SLAMF6: variants seen among roughly 807,000 people sequenced by gnomAD.
The protein encoded by SLAMF6 is NK-T-B-antigen.
Under a neutral mutation model 38.3 loss-of-function variants are expected in SLAMF6, and 21 were observed. The observed-to-expected ratio is 0.55, with a 90% CI of 0.39 to 0.79. SLAMF6 has a LOEUF of 0.79. Ranked by LOEUF, SLAMF6 falls within the 30% of genes least tolerant of loss-of-function variation. The pLI is 0.00. For missense variants in SLAMF6, 341 were observed against 385.3 expected (o/e 0.89, Z 0.96); for synonymous variants, 152 against 146.3 (o/e 1.04, Z -0.28).
At chr1:160,514,945 A>G (rs1278475994) in intron 1 of SLAMF6, among the ~76,000 whole-genome samples, 1 of 152,168 alleles carries the variant, frequency 6.6e-6, no homozygotes. Flanking sequence ...AACTAAAAGA[A>G]CTGGAGAACC....
rs978178922 is a variant in SLAMF6 at position 160,486,639 on chromosome 1, T to C, written c.*68A>G. ...GGAACAACAGGAACCAAGCTTCCTG[T>C]TCTTTGTTCTGTCTCATGGGATCAG... is the stretch of plus-strand genomic sequence containing the variant. On this transcript the variant is annotated 3_prime_UTR_variant, in exon 8 of 8. Transcript: ENST00000368057. The C allele has an allele frequency of 8.1e-6, 12 of 1,487,842 alleles. No individual in the cohort carries two copies. In the African/African-American group the frequency reaches 9.7e-5, roughly 12 times the overall value. 92.2% of individuals were successfully genotyped at this position (1,487,842 alleles called of 1,614,324 possible).
chr1:160,489,550 C>T (rs1309705205), intron 5 of SLAMF6, among the ~76,000 whole-genome samples: 3 of 152,146 alleles, frequency 2.0e-5, no homozygotes, highest in African/African-American at 4.8e-5. Flanking sequence ...TTAAGCTTTT[C>T]AGAGGTCTCT....
intron 1 of SLAMF6, among the ~76,000 whole-genome samples, chr1:160,506,949 A>C (rs147188167): frequency 4.1e-4 from 62 of 152,154 alleles, no homozygotes; most frequent in African/African-American, 1.4e-3. Context: ...TAAACTATAC[A>C]TGAAAGAATA....
Position 160,486,539 on chromosome 1 carries a change from G to T in SLAMF6, c.*168C>A. ...GAAATGATGTTATCCTTAGGTGTTT[G>T]ACTCAGGTAGGCAGGTTTAAGTCCG... On this transcript the variant is annotated 3_prime_UTR_variant, in exon 8 of 8. Coordinates refer to ENST00000368057, the MANE Select transcript of SLAMF6 (RefSeq NM_001184714.2). The T allele has an allele frequency of 1.6e-6, 1 of 629,338 alleles. No homozygotes were observed. The highest frequency in any genetic ancestry group is 2.8e-6 in the Non-Finnish European group (1 of 361,176). The allele number at this position is 629,338 out of a possible 1,614,324, so 39.0% of individuals were successfully genotyped here. A position where few individuals can be genotyped will look rare whatever the true frequency, so the allele number is the denominator to read the frequency against.
chr1:160,500,834 G>A (rs1369041102), intron 1 of SLAMF6, among the ~76,000 whole-genome samples: 1 of 152,062 alleles, frequency 6.6e-6, no homozygotes, highest in Non-Finnish European at 1.5e-5. Context: ...GTTCCTTTTG[G>A]TAGGGAGTCT....
intron 1 of SLAMF6, among the ~76,000 whole-genome samples, chr1:160,521,984 G>A (rs558318918): frequency 6.6e-6 from 1 of 152,062 alleles, no homozygotes; most frequent in Admixed American, 6.6e-5. Flanking sequence ...TGCTTGCTTT[G>A]TTCATGATGT....
At chr1:160,497,663 T>C (rs1653660927) in intron 1 of SLAMF6, among the ~76,000 whole-genome samples, 1 of 152,144 alleles carries the variant, frequency 6.6e-6, no homozygotes, top group Non-Finnish European at 1.5e-5. Flanking sequence ...CCACAGCGTC[T>C]ATTAATCCCA....
At position 160,490,667 on chromosome 1, in the gene SLAMF6, G is replaced by A. The variant is rs768629929; in HGVS notation, c.665C>T (p.Thr222Ile). ...KLCEDVKIQY[T>I]DTKMILFMVS... ...CATAAACAGAATCATTTTGGTATCT[G>A]TATATTGAATTTTAACATCTGAAAA... is the stretch of plus-strand genomic sequence containing the variant. Residue 222 changes from threonine (T) to isoleucine (I), a missense_variant, in exon 4 of 8, where the codon ACA becomes ATA. Physicochemically the swap from Thr to Ile is moderately conservative, Grantham distance 89 (BLOSUM62 -1). Transcript: ENST00000368057. 6.2e-6 allele frequency: 10 copies of A among 1,613,366 alleles called. No homozygotes were observed. In the South Asian group the frequency reaches 1.1e-4, roughly 18 times the overall value.
chr1:160,518,400 T>C (rs761599676), intron 1 of SLAMF6, among the ~76,000 whole-genome samples: 1 of 152,190 alleles, frequency 6.6e-6, no homozygotes, highest in Non-Finnish European at 1.5e-5. Flanking sequence ...GCAATCCCAT[T>C]ACTGGGTATA....
chr1:160,519,218 C>T (rs912997011), intron 1 of SLAMF6, among the ~76,000 whole-genome samples: 8 of 152,124 alleles, frequency 5.3e-5, no homozygotes, highest in African/African-American at 1.9e-4. Context: ...TACTCAAAAT[C>T]ATTTGTCATT....
chr1:160,522,134 C>T (rs1178745160), intron 1 of SLAMF6, among the ~76,000 whole-genome samples: 1 of 152,202 alleles, frequency 6.6e-6, no homozygotes, highest in African/African-American at 2.4e-5. Context: ...TTCTCTTATG[C>T]TGCTGCCACA....
intron 2 of SLAMF6, among the ~76,000 whole-genome samples, chr1:160,492,096 A>G: frequency 6.6e-6 from 1 of 152,144 alleles, no homozygotes; most frequent in East Asian, 1.9e-4. Flanking sequence ...ATGACATGTG[A>G]TGTAGGTATT....
Position 160,489,146 on chromosome 1 carries a change from T to A in SLAMF6, c.821A>T (p.Tyr274Phe). 1 of 1,613,892 alleles carries A rather than the reference T, an allele frequency of 6.2e-7. No homozygotes were observed. Among genetic ancestry groups the A allele is most frequent in the Non-Finnish European group, 8.5e-7 (1 of 1,179,842 alleles). The change falls in exon 6 of 8, where the codon TAT (tyrosine) becomes TTT (phenylalanine). Residue 274 changes from tyrosine to phenylalanine, a missense_variant. Transcript: ENST00000368057. ...GTTGTTCGTTGGAGACACTGAAACA[T>A]ACTCTAGGTTCCTTGCGGACTCTGC... ...GPAESARNLE[Y>F]VSVSPTNNTV...
At chr1:160,486,797 G>T in intron 7 of SLAMF6, 43 bp from the exon 8 acceptor site, 1 of 1,610,208 alleles carries the variant, frequency 6.2e-7, no homozygotes, top group South Asian at 1.1e-5. Context: ...ATTGGAACTG[G>T]AACCTCAGCC....
At chr1:160,510,292 A>G (rs1208308694) in intron 1 of SLAMF6, among the ~76,000 whole-genome samples, 1 of 152,156 alleles carries the variant, frequency 6.6e-6, no homozygotes, top group African/African-American at 2.4e-5. Flanking sequence ...ATCAGAAAAA[A>G]GAAAACTACA....
chr1:160,503,094 C>T (rs1451964177), intron 1 of SLAMF6, among the ~76,000 whole-genome samples: 1 of 152,024 alleles, frequency 6.6e-6, no homozygotes, highest in East Asian at 1.9e-4. Flanking sequence ...ACGTGGTTCT[C>T]CTTTTCTTTT....
chr1:160,493,774 C>T (rs1328254573), intron 2 of SLAMF6, among the ~76,000 whole-genome samples: 2 of 152,170 alleles, frequency 1.3e-5, no homozygotes, highest in Non-Finnish European at 2.9e-5. Context: ...CACAGTTCTA[C>T]ATGGCTGGGG....
chr1:160,504,557 T>C (rs1161693915), intron 1 of SLAMF6, among the ~76,000 whole-genome samples: 1 of 152,154 alleles, frequency 6.6e-6, no homozygotes, highest in African/African-American at 2.4e-5. Flanking sequence ...TCTGAAAGAA[T>C]TGTATTTGTC....
chr1:160,509,293 G>A (rs1474393929), intron 1 of SLAMF6, among the ~76,000 whole-genome samples: 2 of 152,210 alleles, frequency 1.3e-5, no homozygotes, highest in Non-Finnish European at 2.9e-5. Context: ...AGAAAATGTG[G>A]CACATATATA....
Sources: gnomAD v4.1 joint callset for allele counts (sites outside exome capture counted in the v4.1 genomes callset) on GRCh38, gnomAD v4.1.1 for gene constraint, MANE v1.5 for transcripts, NCBI Gene and HGNC (gene_info 2026-07-23, HGNC 2026-07-21) for gene names.